SNX7: variants seen among roughly 807,000 people sequenced by gnomAD.
SNX7 encodes the protein sorting nexin 7, also known as sorting nexin-7.
A neutral mutation model predicts 48.4 loss-of-function variants in SNX7; 35 were observed. The ratio of observed to expected loss-of-function variants is 0.72; its 90% CI spans 0.55 to 0.96. The LOEUF is 0.96. SNX7 is among the 40% of genes least tolerant of loss of function. The probability of loss-of-function intolerance (pLI) is 0.00; values close to 1 mark genes in which losing one functional copy is unlikely to be tolerated. For missense variants in SNX7, 553 were observed against 548.9 expected, an observed-to-expected ratio of 1.01 and a Z score of -0.07; for synonymous variants, 190 against 190.2, an observed-to-expected ratio of 1.00 and a Z score of 0.01.
intron 4 of SNX7, among the ~76,000 whole-genome samples, chr1:98,694,182 A>G (rs968841750): frequency 6.6e-6 from 1 of 151,582 alleles, no homozygotes; most frequent in East Asian, 2.0e-4. Context: ...CATCTTGGCT[A>G]ACACGGTGAA....
chr1:98,725,964 T>C (rs905705280), intron 7 of SNX7, among the ~76,000 whole-genome samples: 4 of 152,190 alleles, frequency 2.6e-5, no homozygotes, highest in African/African-American at 4.8e-5. Flanking sequence ...TACTGAGTTA[T>C]TAATAACATA....
chr1:98,744,506 T>C (rs1429508246), intron 8 of SNX7, among the ~76,000 whole-genome samples: 1 of 151,804 alleles, frequency 6.6e-6, no homozygotes, highest in Non-Finnish European at 1.5e-5. Flanking sequence ...CAGAGTCAAA[T>C]GAGAGTAGGT....
Position 98,699,036 on chromosome 1 carries a change from A to C in SNX7, c.1038+131A>C, listed in dbSNP as rs369042572. The C allele has an allele frequency of 3.7e-5, 28 of 749,048 alleles. 1 individual carries two copies. In the East Asian group the frequency reaches 6.3e-4, roughly 17 times the overall value. 46.4% of individuals were successfully genotyped at this position (749,048 alleles called of 1,614,324 possible). A position where few individuals can be genotyped will look rare whatever the true frequency, so the allele number is the denominator to read the frequency against. On this transcript the variant is annotated intron_variant, in intron 6 of 8. Coordinates refer to ENST00000306121, the MANE Select transcript of SNX7 (RefSeq NM_015976.5). ...CAGGTTGTTTTGCATGTAGATGTTC[A>C]ATAAATATTTATTCACTGTGTGTCT...
chr1:98,665,967 AT>A (rs1281021339), intron 1 of SNX7, among the ~76,000 whole-genome samples: 16 of 152,242 alleles, frequency 1.1e-4, no homozygotes, highest in Non-Finnish European at 1.9e-4. Flanking sequence ...GTATATATAT[AT>A]TTTTTTCTTT....
At chr1:98,702,890 C>G (rs1651823252) in intron 7 of SNX7, among the ~76,000 whole-genome samples, 1 of 151,984 alleles carries the variant, frequency 6.6e-6, no homozygotes, top group Non-Finnish European at 1.5e-5. Flanking sequence ...GCACTTACAT[C>G]AGGTGAGCGG....
intron 1 of SNX7, among the ~76,000 whole-genome samples, chr1:98,672,929 TCAA>T (rs1211979001): frequency 4.3e-4 from 2 of 4,700 alleles, no homozygotes; most frequent in South Asian, 5.5e-3. Context: ...AGACTCCGTC[TCAA>T]AAAAAAAAAA....
intron 8 of SNX7, 82 bp downstream of exon 8, chr1:98,738,471 A>G (rs1653907720): frequency 2.2e-6 from 3 of 1,347,554 alleles, no homozygotes; most frequent in Non-Finnish European, 3.1e-6. Context: ...GAAAGAGTGT[A>G]TTAAAGAACA....
At chr1:98,668,986 T>G (rs890414180) in intron 1 of SNX7, among the ~76,000 whole-genome samples, 1 of 152,222 alleles carries the variant, frequency 6.6e-6, no homozygotes, top group African/African-American at 2.4e-5. Flanking sequence ...CAGTGGAATT[T>G]TAACTTACTA....
At chr1:98,754,048 T>C (rs1386543051) in intron 8 of SNX7, among the ~76,000 whole-genome samples, 2 of 152,080 alleles carry the variant, frequency 1.3e-5, no homozygotes, top group Non-Finnish European at 2.9e-5. Context: ...GTTCCTCGGG[T>C]TGTGGAACTT....
intron 4 of SNX7, among the ~76,000 whole-genome samples, chr1:98,692,822 G>A (rs1008151353): frequency 2.1e-4 from 32 of 152,154 alleles, no homozygotes; most frequent in African/African-American, 7.7e-4. Context: ...TGGCATGTAA[G>A]TCAAAATATG....
Position 98,679,524 on chromosome 1 carries a change from C to T in SNX7, c.181-5361C>T, listed in dbSNP as rs112546197. ...CTCAAAAGTCTGCAGTCCAAAGTCT[C>T]ACGTGAGACAAGGCAAGTCCCTTCC... On this transcript the variant is annotated intron_variant, in intron 1 of 8. Coordinates refer to ENST00000306121, the MANE Select transcript of SNX7 (RefSeq NM_015976.5). Among the ~76,000 whole-genome samples the T allele has an allele frequency of 9.6e-4, 146 of 152,284 alleles. 1 individual carries two copies. The highest frequency in any genetic ancestry group is 6.8e-3 in the Middle Eastern group (2 of 294).
intron 8 of SNX7, among the ~76,000 whole-genome samples, chr1:98,741,893 A>G (rs1285249055): frequency 6.6e-6 from 1 of 152,160 alleles, no homozygotes; most frequent in Non-Finnish European, 1.5e-5. Flanking sequence ...GCTTTATTTT[A>G]ATATCATTGA....
chr1:98,701,666 A>C, intron 6 of SNX7, 151 bp from the exon 7 acceptor site: 1 of 501,358 alleles, frequency 2.0e-6, no homozygotes, highest in Non-Finnish European at 3.5e-6. Context: ...TAACAAAAAA[A>C]AAAAAACAAC....
intron 1 of SNX7, among the ~76,000 whole-genome samples, chr1:98,681,232 C>T (rs950394460): frequency 1.2e-4 from 19 of 152,112 alleles, no homozygotes; most frequent in Non-Finnish European, 2.2e-4. Context: ...GAGAACAGCA[C>T]GGGAAAGACC....
At chr1:98,661,651 G>T, upstream of SNX7, 1 of 1,139,170 alleles carries the variant, frequency 8.8e-7, no homozygotes. Context: ...GGAGGTGCAG[G>T]AGACGTGGGA....
intron 8 of SNX7, among the ~76,000 whole-genome samples, chr1:98,742,995 CATTT>C (rs893628611): frequency 6.6e-6 from 1 of 151,664 alleles, no homozygotes; most frequent in African/African-American, 2.4e-5. Context: ...AATAGTTAAA[CATTT>C]GTTTTTTTTC....
Position 98,719,154 on chromosome 1 carries a change from G to A in SNX7, c.1125+17251G>A, listed in dbSNP as rs368092762. On this transcript the variant is annotated intron_variant, in intron 7 of 8. Transcript: ENST00000306121. The stretch of plus-strand genomic sequence containing the variant: ...TCCATGCCTCAGTTTATTACTTCGT[G>A]GATTAGAGATAATAATAGTACCTAG... Among the ~76,000 whole-genome samples, 14 of 152,176 alleles carry A rather than the reference G, an allele frequency of 9.2e-5. No homozygotes were observed. The South Asian group carries it at 2.3e-3, about 25-fold the overall frequency.
chr1:98,694,360 A>G (rs1271304779), intron 4 of SNX7, among the ~76,000 whole-genome samples: 1 of 135,232 alleles, frequency 7.4e-6, no homozygotes, highest in East Asian at 2.2e-4. Flanking sequence ...AAAGAGCGAG[A>G]CTCCGTCTCA....
intron 8 of SNX7, among the ~76,000 whole-genome samples, chr1:98,740,200 C>A (rs566685556): frequency 6.6e-6 from 1 of 152,192 alleles, no homozygotes; most frequent in Non-Finnish European, 1.5e-5. Context: ...TCCCATAAAT[C>A]TCAGATTTTG....
Sources: gnomAD v4.1 joint callset for allele counts (sites outside exome capture counted in the v4.1 genomes callset) on GRCh38, gnomAD v4.1.1 for gene constraint, MANE v1.5 for transcripts, NCBI Gene and HGNC (gene_info 2026-07-23, HGNC 2026-07-21) for gene names.